Variants in RELN observed in about 807,000 individuals in gnomAD.
The protein encoded by RELN is reelin.
RELN carries 108 observed loss-of-function variants against 427.6 expected under a neutral mutation model. That is an observed-to-expected ratio of 0.25 (90% CI 0.22 to 0.30). RELN has a LOEUF of 0.30. RELN is among the 10% of genes least tolerant of loss of function. The probability of loss-of-function intolerance (pLI) is 1.00; values close to 1 mark genes in which losing one functional copy is unlikely to be tolerated. For synonymous variants in RELN, 1,524 were observed against 1,513.4 expected (o/e 1.01, Z -0.16); for missense variants, 3,715 against 4,302.8 (o/e 0.86, Z 3.82).
rs561828305 is a variant in RELN at position 103,522,122 on chromosome 7, T to G, written c.7568A>C (p.Asn2523Thr). Residue 2523 changes from asparagine to threonine, a missense_variant, in exon 48 of 65, where the codon AAT becomes ACT. Asn to Thr is a moderately conservative substitution (Grantham distance 65, BLOSUM62 0). Transcript: ENST00000428762. Reference protein sequence around the residue: ...SLPTQLKDNFNRAPSSQNWLT... With the variant: ...SLPTQLKDNFTRAPSSQNWLT... ...CCAGTTCTGACTGGATGGAGCTCGA[T>G]TGAAGTTGTCTTTGAGTTGGGTTGG... is the stretch of plus-strand genomic sequence containing the variant. 1 of 1,614,118 alleles carries G rather than the reference T, an allele frequency of 6.2e-7. No homozygotes were observed. The highest frequency in any genetic ancestry group is 1.1e-5 in the South Asian group (1 of 91,070).
intron 2 of RELN, among the ~76,000 whole-genome samples, chr7:103,847,958 G>A (rs1377108815): frequency 6.8e-6 from 1 of 147,936 alleles, no homozygotes; most frequent in Admixed American, 6.8e-5. Flanking sequence ...GCAAAGAAAA[G>A]AAAAGACAAA....
chr7:103,507,294 T>C (rs1304159905), intron 51 of RELN, among the ~76,000 whole-genome samples: 1 of 152,154 alleles, frequency 6.6e-6, no homozygotes, highest in East Asian at 1.9e-4. Context: ...AAAAAACTCC[T>C]CAGCAAATGC....
chr7:103,924,470 C>G (rs1389186452), intron 1 of RELN, among the ~76,000 whole-genome samples: 1 of 152,116 alleles, frequency 6.6e-6, no homozygotes, highest in Non-Finnish European at 1.5e-5. Context: ...GAATGCCGTG[C>G]AAATGCTTTG....
chr7:103,570,794 G>C (rs1830865357), intron 31 of RELN, among the ~76,000 whole-genome samples: 1 of 152,180 alleles, frequency 6.6e-6, no homozygotes, highest in African/African-American at 2.4e-5. Context: ...ATGTAGCACA[G>C]GGGAGAAATC....
chr7:103,712,356 G>A (rs538924972), intron 8 of RELN, among the ~76,000 whole-genome samples: 36 of 152,188 alleles, frequency 2.4e-4, no homozygotes, highest in African/African-American at 8.2e-4. Flanking sequence ...AAAGAATAGC[G>A]TGATTTGATA....
At chr7:103,706,586 C>T (rs1584422707) in intron 8 of RELN, among the ~76,000 whole-genome samples, 1 of 152,238 alleles carries the variant, frequency 6.6e-6, no homozygotes, top group East Asian at 1.9e-4. Context: ...ATGCTTTCGA[C>T]TTCTTCACTA....
At chr7:103,779,639 A>G (rs1237653548) in intron 3 of RELN, among the ~76,000 whole-genome samples, 1 of 152,192 alleles carries the variant, frequency 6.6e-6, no homozygotes, top group East Asian at 1.9e-4. Context: ...CATTACAGCA[A>G]TATTTCATTA....
intron 51 of RELN, among the ~76,000 whole-genome samples, chr7:103,503,764 G>A (rs985774308): frequency 1.3e-5 from 2 of 152,132 alleles, no homozygotes; most frequent in Non-Finnish European, 2.9e-5. Flanking sequence ...TGGGATTTAG[G>A]TAGACAGAAT....
rs769775489 is a variant in RELN, at chr7:103,875,052, C to T, written c.338-41380G>A. ...AGAATAGAGCCCTCAGAAATAACGC[C>T]GCATACCTACAACTATCTGATCTTT... On this transcript the variant is annotated intron_variant, in intron 2 of 64. Transcript: ENST00000428762. 1.8e-3 allele frequency among the ~76,000 whole-genome samples: 263 copies of T among 145,112 alleles called. 25 individuals are homozygous for T. Among genetic ancestry groups the T allele is most frequent in the Non-Finnish European group, 2.7e-3 (176 of 65,548 alleles).
At chr7:103,791,480 G>A (rs1792160380) in intron 3 of RELN, among the ~76,000 whole-genome samples, 1 of 152,142 alleles carries the variant, frequency 6.6e-6, no homozygotes, top group African/African-American at 2.4e-5. Context: ...ATAATTCCAT[G>A]AAGAAAGAGG....
chr7:103,621,179 C>T (rs147483802), intron 20 of RELN, among the ~76,000 whole-genome samples: 12 of 152,200 alleles, frequency 7.9e-5, no homozygotes, highest in Admixed American at 2.6e-4. Context: ...AAAAAGTAGT[C>T]AAATGGATTT....
chr7:103,699,510 T>C (rs539173767), intron 9 of RELN, among the ~76,000 whole-genome samples: 4 of 152,264 alleles, frequency 2.6e-5, no homozygotes, highest in Admixed American at 1.3e-4. Flanking sequence ...TACCATTTAG[T>C]GAAAAATAGA....
At chr7:103,543,412 G>A (rs758429261) in intron 42 of RELN, among the ~76,000 whole-genome samples, 20 of 152,264 alleles carry the variant, frequency 1.3e-4, no homozygotes, top group Middle Eastern at 3.4e-3. Flanking sequence ...TTGGGAGGCC[G>A]AGGCAGGTGG....
intron 31 of RELN, among the ~76,000 whole-genome samples, chr7:103,567,699 T>C (rs1830787995): frequency 6.6e-6 from 1 of 151,952 alleles, no homozygotes; most frequent in East Asian, 1.9e-4. Flanking sequence ...TGCATATTCA[T>C]AATTACGACT....
chr7:103,730,306 T>C (rs572292212), intron 6 of RELN, among the ~76,000 whole-genome samples: 90 of 152,114 alleles, frequency 5.9e-4, no homozygotes, highest in African/African-American at 2.1e-3. Context: ...AATATCTATA[T>C]ATAATATATG....
intron 2 of RELN, among the ~76,000 whole-genome samples, chr7:103,906,542 TC>T (rs1795208956): frequency 6.6e-6 from 1 of 152,062 alleles, no homozygotes; most frequent in Non-Finnish European, 1.5e-5. Context: ...TGACTCTCTC[TC>T]TCTCCTCCTC....
At chr7:103,595,414 T>C (rs1331342835) in intron 25 of RELN, among the ~76,000 whole-genome samples, 2 of 152,164 alleles carry the variant, frequency 1.3e-5, no homozygotes, top group Non-Finnish European at 2.9e-5. Context: ...CTAAATCCCT[T>C]AGAAGAAATG....
At chr7:103,799,969 G>T (rs753597095) in intron 3 of RELN, among the ~76,000 whole-genome samples, 1 of 152,036 alleles carries the variant, frequency 6.6e-6, no homozygotes, top group African/African-American at 2.4e-5. Flanking sequence ...AAATTCCAAG[G>T]TACTGACGGA....
chr7:103,922,028 T>A (rs1795627769), intron 1 of RELN, among the ~76,000 whole-genome samples: 1 of 152,162 alleles, frequency 6.6e-6, no homozygotes, highest in South Asian at 2.1e-4. Context: ...GAAGCTCAAC[T>A]TTTGTTGAAT....
Sources: gnomAD v4.1 joint callset for allele counts (sites outside exome capture counted in the v4.1 genomes callset) on GRCh38, gnomAD v4.1.1 for gene constraint, MANE v1.5 for transcripts, NCBI Gene and HGNC (gene_info 2026-07-23, HGNC 2026-07-21) for gene names.